Variants in MRPS18B observed in about 807,000 individuals in gnomAD.
MRPS18B encodes small ribosomal subunit protein mS40.
In MRPS18B, 27 loss-of-function variants were observed where a neutral mutation model predicts 28.4. The observed-to-expected ratio is 0.95, with a 90% confidence interval of 0.70 to 1.31. The LOEUF is 1.31. Ranked by LOEUF, MRPS18B falls within the 40% of genes most tolerant of loss-of-function variation. The pLI is 0.00. For missense variants in MRPS18B, 343 were observed against 335.9 expected (o/e 1.02, Z -0.17); for synonymous variants, 118 against 123.7 (o/e 0.95, Z 0.30).
chr6:30,625,193 C>A (rs1233919702), intron 6 of MRPS18B, among the ~76,000 whole-genome samples: 4 of 152,174 alleles, frequency 2.6e-5, no homozygotes, highest in Admixed American at 1.3e-4. Context: ...TTAGGAAGTT[C>A]TTTATATAAA....
At chr6:30,623,691 T>A (rs1388584827) in intron 5 of MRPS18B, among the ~76,000 whole-genome samples, 1 of 152,166 alleles carries the variant, frequency 6.6e-6, no homozygotes, top group Non-Finnish European at 1.5e-5. Context: ...CTGCAGAGTT[T>A]AAAATATTTA....
chr6:30,623,552 T>C (rs989335664), intron 5 of MRPS18B, among the ~76,000 whole-genome samples: 1 of 152,210 alleles, frequency 6.6e-6, no homozygotes, highest in African/African-American at 2.4e-5. Flanking sequence ...TTCAGAATTA[T>C]ATTTATTCCC....
intron 5 of MRPS18B, among the ~76,000 whole-genome samples, chr6:30,623,780 G>GT (rs1326967547): frequency 0.034 from 4,935 of 144,284 alleles, 151 homozygotes; most frequent in African/African-American, 0.083. Flanking sequence ...ATTTTTTGTT[G>GT]TTTTTTTTTT....
At position 30,624,906 on chromosome 6, in the gene MRPS18B, CG is replaced by C. The variant is rs762483046; in HGVS notation, c.447del (p.Leu150Ter). 3.1e-6 allele frequency: 5 copies of C among 1,612,838 alleles called. No individual in the cohort carries two copies. In the South Asian group the frequency reaches 3.3e-5, roughly 11 times the overall value. On this transcript the variant is annotated frameshift_variant, in exon 6 of 7. Coordinates refer to ENST00000259873, the MANE Select transcript of MRPS18B (RefSeq NM_014046.4). LOFTEE classifies it high-confidence loss of function. ...YTGVCVKQHK[R>X]LTQAIQKARD... ...AGGAGTCTGTGTGAAGCAGCACAAG[CG>C]GTTGACCCAGGCCATCCAGAAAGCC...
At chr6:30,618,587 GAGATA>G (rs1343284323) in intron 1 of MRPS18B, 4 of 152,278 alleles carry the variant, frequency 2.6e-5, no homozygotes, top group Non-Finnish European at 4.4e-5. Flanking sequence ...GGGGCACGGT[GAGATA>G]GGAAGGCTTG....
chr6:30,624,806 CCT>C, intron 5 of MRPS18B, 75 bp from the exon 6 acceptor site: 3 of 1,522,812 alleles, frequency 2.0e-6, no homozygotes, highest in Non-Finnish European at 9.1e-7. Context: ...CCAATCTACC[CCT>C]CTGTCACCAT....
chr6:30,625,642 C>T lies in MRPS18B; in HGVS notation c.622C>T (p.Pro208Ser), dbSNP rs1316839787. Residue 208 changes from proline (P) to serine (S), a missense_variant, in exon 7 of 7, where the codon CCA (proline) becomes TCA (serine). Pro to Ser is a moderately conservative substitution (Grantham distance 74, BLOSUM62 -1). Transcript: ENST00000259873. ...PWYPWYNWKQPPERELSRLRR... is the reference protein window; with the variant it reads ...PWYPWYNWKQSPERELSRLRR... The stretch of plus-strand genomic sequence containing the variant: ...GTACCCATGGTACAACTGGAAACAG[C>T]CACCGGAGAGAGAACTGTCTCGCCT... 14 of 1,613,028 alleles carry T rather than the reference C, an allele frequency of 8.7e-6. No individual in the cohort carries two copies. Among genetic ancestry groups the T allele is most frequent in the Non-Finnish European group, 1.0e-5 (12 of 1,180,028 alleles).
intron 5 of MRPS18B, among the ~76,000 whole-genome samples, chr6:30,623,385 A>G (rs1171672750): frequency 6.6e-6 from 1 of 152,168 alleles, no homozygotes. Context: ...TAAGCAAACT[A>G]TCTAAATGTA....
chr6:30,619,652 A>G, intron 2 of MRPS18B, 51 bp downstream of exon 2: 1 of 1,607,890 alleles, frequency 6.2e-7, no homozygotes, highest in Non-Finnish European at 8.5e-7. Flanking sequence ...AGATAAGTGG[A>G]CAGAGCCACC....
At position 30,625,624 on chromosome 6, in the gene MRPS18B, TG is replaced by T. The variant is rs913067915; in HGVS notation, c.606del (p.Trp202CysfsTer74). The T allele has an allele frequency of 1.2e-6, 2 of 1,612,890 alleles. No homozygotes were observed. Among genetic ancestry groups the T allele is most frequent in the African/African-American group, 2.7e-5 (2 of 74,894 alleles). ...GGTCTCAGGTGACCCCTGGTACCCA[TG>T]GTACAACTGGAAACAGCCACCGGAG... ...TLVSGDPWYP[W>X]YNWKQPPERE... On this transcript the variant is annotated frameshift_variant, in exon 7 of 7. Coordinates refer to ENST00000259873, the MANE Select transcript of MRPS18B (RefSeq NM_014046.4). LOFTEE classifies it high-confidence loss of function.
Position 30,617,938 on chromosome 6 carries a change from G to A in MRPS18B, c.73G>A (p.Val25Ile). The change falls in exon 1 of 7, where the codon GTT becomes ATT. Residue 25 changes from valine (V) to isoleucine (I), a missense_variant. Val to Ile is a conservative substitution (Grantham distance 29). Coordinates refer to ENST00000259873, the MANE Select transcript of MRPS18B (RefSeq NM_014046.4). ...MLSLFRGSHR[V>I]QVPLQTLCTK... ...ATCTCTCTTCCGAGGTTCTCACAGA[G>A]TTCAGGTAACTCTTCGAAAGACATT... 6.2e-7 allele frequency: 1 copy of A among 1,614,196 alleles called. No homozygotes were observed.
chr6:30,625,902 A>C lies in MRPS18B; in HGVS notation c.*105A>C. 7.9e-7 allele frequency: 1 copy of C among 1,269,594 alleles called. No individual in the cohort carries two copies. The highest frequency in any genetic ancestry group is 1.1e-6 in the Non-Finnish European group (1 of 914,992). 78.6% of individuals were successfully genotyped at this position (1,269,594 alleles called of 1,614,324 possible). A position where few individuals can be genotyped will look rare whatever the true frequency, so the allele number is the denominator to read the frequency against. The stretch of plus-strand genomic sequence containing the variant: ...GATCACTTGATCCCAGGAGTTTGAG[A>C]CCAGCCTGGGCACCATGGTGAAACC... On this transcript the variant is annotated 3_prime_UTR_variant, in exon 7 of 7. Transcript: ENST00000259873.
Position 30,619,576 on chromosome 6 carries a change from G to A in MRPS18B, c.162G>A (p.Glu54=), listed in dbSNP as rs763444458. 4 of 1,612,736 alleles carry A rather than the reference G, an allele frequency of 2.5e-6. No individual in the cohort carries two copies. The change falls in exon 2 of 7, where the codon GAG becomes GAA. Residue 54 remains glutamate, a synonymous_variant. Coordinates refer to ENST00000259873, the MANE Select transcript of MRPS18B (RefSeq NM_014046.4). ...TTCCCATTTCTCCTTATAAGGATGAGCCCTGGAAATATCTGGAATCAGAAG... is the reference window on the plus strand; with the variant it reads ...TTCCCATTTCTCCTTATAAGGATGAACCCTGGAAATATCTGGAATCAGAAG... ...SSVPISPYKD[E]PWKYLESEEY...
At chr6:30,621,947 AAAAAC>A (rs1222776563) in intron 4 of MRPS18B, among the ~76,000 whole-genome samples, 2 of 152,184 alleles carry the variant, frequency 1.3e-5, no homozygotes, top group Non-Finnish European at 2.9e-5. Flanking sequence ...ACTCCGTCTC[AAAAAC>A]AAAACAAAAC....
At chr6:30,619,260 TA>T (rs1319260125) in intron 1 of MRPS18B, among the ~76,000 whole-genome samples, 4 of 152,174 alleles carry the variant, frequency 2.6e-5, no homozygotes, top group African/African-American at 9.7e-5. Context: ...GATTGTTTTT[TA>T]GGCATATATC....
chr6:30,624,796 C>G, intron 5 of MRPS18B, 87 bp from the exon 6 acceptor site: 1 of 1,477,092 alleles, frequency 6.8e-7, no homozygotes, highest in Admixed American at 1.8e-5. Flanking sequence ...CCAATCCTTC[C>G]CAATCTACCC....
At chr6:30,619,273 C>T (rs1044772968) in intron 1 of MRPS18B, among the ~76,000 whole-genome samples, 1 of 152,060 alleles carries the variant, frequency 6.6e-6, no homozygotes, top group Non-Finnish European at 1.5e-5. Flanking sequence ...GCATATATCC[C>T]CTAACTTAGC....
At chr6:30,620,023 A>G in intron 4 of MRPS18B, 34 bp downstream of exon 4, 2 of 1,605,736 alleles carry the variant, frequency 1.2e-6, no homozygotes, top group South Asian at 1.1e-5. Flanking sequence ...GGGTAAGAAA[A>G]ATAAAGATTA....
rs188820794 is a variant in MRPS18B at position 30,619,737 on chromosome 6, C to A, written c.216C>A (p.Pro72=). The A allele has an allele frequency of 6.2e-7, 1 of 1,614,090 alleles. No individual in the cohort carries two copies. The highest frequency in any genetic ancestry group is 1.3e-5 in the African/African-American group (1 of 74,936). The change falls in exon 3 of 7, where the codon CCC becomes CCA. Residue 72 remains proline (P), a synonymous_variant. Transcript: ENST00000259873. ...ACCAGGAGCGATATGGTTCTCGCCCCGTCTGGGCTGACTACCGCCGCAACC... is the reference window on the plus strand; with the variant it reads ...ACCAGGAGCGATATGGTTCTCGCCCAGTCTGGGCTGACTACCGCCGCAACC... The part of the protein sequence containing the change: ...EEYQERYGSR[P]VWADYRRNHK...
Sources: allele counts gnomAD v4.1 joint callset (sites outside exome capture counted in the v4.1 genomes callset), GRCh38; gene constraint gnomAD v4.1.1; transcripts MANE v1.5; gene names NCBI Gene and HGNC (gene_info 2026-07-23, HGNC 2026-07-21).